Variants in ZNF385D observed in about 807,000 individuals in gnomAD.
ZNF385D encodes the protein zinc finger protein 659.
A neutral mutation model predicts 35.8 loss-of-function variants in ZNF385D; 15 were observed. The observed-to-expected ratio is 0.42, with a 90% CI of 0.28 to 0.64. The LOEUF (loss-of-function observed/expected upper bound fraction) is 0.64, where lower values mean the gene tolerates loss of function less well. Among genes scored for constraint, ZNF385D ranks in the 30% least tolerant of loss-of-function variants. The pLI is 0.23. For synonymous variants in ZNF385D, 212 were observed against 186.8 expected, an observed-to-expected ratio of 1.13 and a Z score of -1.10; for missense variants, 474 against 494.6, an observed-to-expected ratio of 0.96 and a Z score of 0.39.
chr3:22,023,660 C>CT (rs113753465), intron 3 of ZNF385D, among the ~76,000 whole-genome samples: 12,919 of 148,440 alleles, frequency 0.087, 578 homozygotes, highest in East Asian at 0.17. Context: ...CAAAGCAATG[C>CT]TTTTTTTTTT....
intron 3 of ZNF385D, among the ~76,000 whole-genome samples, chr3:21,525,430 G>A (rs1019070757): frequency 3.4e-4 from 51 of 152,066 alleles, no homozygotes; most frequent in African/African-American, 1.2e-3. Flanking sequence ...GCTTATGCCT[G>A]TAATCCCAGC....
intron 3 of ZNF385D, among the ~76,000 whole-genome samples, chr3:21,793,541 CA>C (rs1456562192): frequency 6.6e-6 from 1 of 152,170 alleles, no homozygotes; most frequent in African/African-American, 2.4e-5. Context: ...ATTTGAGGAG[CA>C]TTTCCATAGA....
chr3:21,819,241 G>T (rs2073287977), intron 3 of ZNF385D, among the ~76,000 whole-genome samples: 1 of 151,806 alleles, frequency 6.6e-6, no homozygotes, highest in Non-Finnish European at 1.5e-5. Flanking sequence ...CACACAATAA[G>T]ATGTTAGAAA....
chr3:22,089,578 G>A (rs1196662245), intron 3 of ZNF385D, among the ~76,000 whole-genome samples: 2 of 152,100 alleles, frequency 1.3e-5, no homozygotes, highest in African/African-American at 4.8e-5. Context: ...ACTCCCAGGA[G>A]AGCTCATGAC....
intron 3 of ZNF385D, among the ~76,000 whole-genome samples, chr3:21,782,997 G>A (rs547859523): frequency 1.3e-5 from 2 of 152,140 alleles, no homozygotes; most frequent in Non-Finnish European, 2.9e-5. Context: ...GTCACACCTC[G>A]ATTGCAATTT....
chr3:22,131,636 G>T (rs1703797808), intron 3 of ZNF385D, among the ~76,000 whole-genome samples: 1 of 152,174 alleles, frequency 6.6e-6, no homozygotes, highest in African/African-American at 2.4e-5. Flanking sequence ...GAAGGCCACT[G>T]CAAAGAGAAC....
chr3:22,116,661 CAT>C lies in ZNF385D; in HGVS notation c.325+52154_325+52155del, dbSNP rs535898581. Among the ~76,000 whole-genome samples the C allele has an allele frequency of 1.6e-3, 248 of 152,166 alleles. 2 individuals carry two copies. Among genetic ancestry groups the C allele is most frequent in the African/African-American group, 5.6e-3 (231 of 41,546 alleles). On this transcript the variant is annotated intron_variant, in intron 3 of 5. Transcript: ENST00000494108. Reference sequence around the variant, plus strand: ...CTAATGCAAAGACAGAACCATCACACATAGTTGATTTGAAGAGATTATCAGAT... The same window carrying C: ...CTAATGCAAAGACAGAACCATCACACAGTTGATTTGAAGAGATTATCAGAT...
At chr3:22,348,503 A>AATAC (rs889364127) in intron 2 of ZNF385D, among the ~76,000 whole-genome samples, 2 of 150,886 alleles carry the variant, frequency 1.3e-5, no homozygotes, top group African/African-American at 4.9e-5. Context: ...AAAAAAAAAA[A>AATAC]AAAATACAAA....
At chr3:21,896,257 T>C (rs1167129512) in intron 3 of ZNF385D, among the ~76,000 whole-genome samples, 2 of 152,146 alleles carry the variant, frequency 1.3e-5, no homozygotes, top group African/African-American at 4.8e-5. Flanking sequence ...TAAGTTTGAG[T>C]AGGAAAGAGC....
At chr3:21,632,475 TTAC>T (rs895022469) in intron 2 of ZNF385D, among the ~76,000 whole-genome samples, 1 of 151,916 alleles carries the variant, frequency 6.6e-6, no homozygotes, top group Non-Finnish European at 1.5e-5. Context: ...AAATTTTTAC[TTAC>T]TTCTCATGCT....
At chr3:21,773,064 G>C (rs1313196161) in intron 3 of ZNF385D, among the ~76,000 whole-genome samples, 2 of 151,804 alleles carry the variant, frequency 1.3e-5, no homozygotes, top group African/African-American at 4.8e-5. Context: ...GAAAAATGGG[G>C]AGATCTTATT....
At chr3:22,347,358 C>T (rs1436522778) in intron 2 of ZNF385D, among the ~76,000 whole-genome samples, 1 of 152,150 alleles carries the variant, frequency 6.6e-6, no homozygotes, top group African/African-American at 2.4e-5. Context: ...AGATTTCTCT[C>T]CTTGAGTTTT....
chr3:21,783,843 C>A (rs1439984525), intron 3 of ZNF385D, among the ~76,000 whole-genome samples: 3 of 152,146 alleles, frequency 2.0e-5, no homozygotes, highest in Non-Finnish European at 1.5e-5. Flanking sequence ...AAACATTAAA[C>A]AGCTCACAAT....
At chr3:22,073,134 C>T (rs1478341603) in intron 3 of ZNF385D, among the ~76,000 whole-genome samples, 1 of 151,964 alleles carries the variant, frequency 6.6e-6, no homozygotes, top group African/African-American at 2.4e-5. Flanking sequence ...TGAAGGTGCC[C>T]TCAGAATTTA....
intron 1 of ZNF385D, 27 bp downstream of exon 1, chr3:21,750,868 A>T (rs1357927321): frequency 1.2e-6 from 2 of 1,613,934 alleles, no homozygotes; most frequent in South Asian, 1.1e-5. Flanking sequence ...ACACCCCCAG[A>T]ATTACATCAT....
Position 21,808,872 on chromosome 3 carries a change from G to C in ZNF385D, c.326-143844C>G, listed in dbSNP as rs184591455. 2.4e-4 allele frequency among the ~76,000 whole-genome samples: 36 copies of C among 152,302 alleles called. 1 individual carries two copies. Among genetic ancestry groups the C allele is most frequent in the African/African-American group, 8.2e-4 (34 of 41,566 alleles). ...TAAGTCTCAGATTGACCTCTGGGTA[G>C]CACCAAAGTAGGACAGATTAAAATA... On this transcript the variant is annotated intron_variant, in intron 3 of 5. Coordinates refer to the ZNF385D transcript ENST00000494108.
chr3:21,615,337 T>A (rs1575325579), intron 2 of ZNF385D, among the ~76,000 whole-genome samples: 1 of 140,790 alleles, frequency 7.1e-6, no homozygotes, highest in East Asian at 2.2e-4. Flanking sequence ...CAGAAGCAGA[T>A]GCTGGTGCCA....
chr3:21,834,801 T>C (rs900554905), intron 3 of ZNF385D, among the ~76,000 whole-genome samples: 3 of 151,802 alleles, frequency 2.0e-5, no homozygotes, highest in Admixed American at 1.3e-4. Flanking sequence ...CATGCTGTTT[T>C]TGGGATAGTG....
In ZNF385D at chr3:22,157,623, T is replaced by A. The variant is rs955348625; in HGVS notation, c.325+11194A>T. Among the ~76,000 whole-genome samples, 26 of 152,296 alleles carry A rather than the reference T, an allele frequency of 1.7e-4. 1 individual carries two copies. The highest frequency in any genetic ancestry group is 6.8e-3 in the Middle Eastern group (2 of 294). ...CTCTCCATTTAAAACTACAGTTTTT[T>A]AACCTCTTATGCATTGATTAGTTCA... On this transcript the variant is annotated intron_variant, in intron 3 of 5. Transcript: ENST00000494108.
Sources: allele counts gnomAD v4.1 joint callset (sites outside exome capture counted in the v4.1 genomes callset), GRCh38; gene constraint gnomAD v4.1.1; transcripts MANE v1.5; gene names NCBI Gene and HGNC (gene_info 2026-07-23, HGNC 2026-07-21).